ITPK1: variants seen among roughly 807,000 people sequenced by gnomAD.
The protein encoded by ITPK1 is inositol-tetrakisphosphate 1-kinase.
A neutral mutation model predicts 45.3 loss-of-function variants in ITPK1; 21 were observed. That is an observed-to-expected ratio of 0.46 (90% CI 0.33 to 0.67). The LOEUF is 0.67. Among genes scored for constraint, ITPK1 ranks in the 30% least tolerant of loss-of-function variants. The probability of loss-of-function intolerance (pLI) is 0.02; values close to 1 mark genes in which losing one functional copy is unlikely to be tolerated. For synonymous variants in ITPK1, 258 were observed against 253.6 expected, an observed-to-expected ratio of 1.02 and a Z score of -0.16; for missense variants, 474 against 573.5, an observed-to-expected ratio of 0.83 and a Z score of 1.77.
intron 5 of ITPK1, among the ~76,000 whole-genome samples, chr14:92,969,364 G>T (rs1885536065): frequency 6.6e-6 from 1 of 151,788 alleles, no homozygotes; most frequent in Non-Finnish European, 1.5e-5. Context: ...TGAACAACAT[G>T]GTGAGGGGCA....
At chr14:92,981,816 G>C (rs1009012766) in intron 5 of ITPK1, among the ~76,000 whole-genome samples, 1 of 152,248 alleles carries the variant, frequency 6.6e-6, no homozygotes, top group African/African-American at 2.4e-5. Flanking sequence ...TGTGAGTAGG[G>C]AGGAAGGCAC....
At chr14:93,033,856 G>A (rs567050368) in intron 3 of ITPK1, among the ~76,000 whole-genome samples, 10 of 152,254 alleles carry the variant, frequency 6.6e-5, no homozygotes, top group African/African-American at 2.4e-4. Flanking sequence ...GGGTAGCTAG[G>A]TGGAGAGGTC....
chr14:93,004,791 C>T (rs527551523), intron 4 of ITPK1, among the ~76,000 whole-genome samples: 1 of 151,302 alleles, frequency 6.6e-6, no homozygotes, highest in African/African-American at 2.4e-5. Context: ...GCGGGGGGCA[C>T]AGGGTTGGGG....
chr14:92,967,867 G>A (rs1290602338), intron 5 of ITPK1, among the ~76,000 whole-genome samples: 1 of 152,102 alleles, frequency 6.6e-6, no homozygotes, highest in African/African-American at 2.4e-5. Context: ...CATCCATGGA[G>A]ACAAAAAAAG....
chr14:93,083,795 AC>A (rs911161647), intron 2 of ITPK1, among the ~76,000 whole-genome samples: 1 of 150,770 alleles, frequency 6.6e-6, no homozygotes, highest in Non-Finnish European at 1.5e-5. Context: ...TCACCACCTG[AC>A]CCCCCAGGTC....
intron 4 of ITPK1, among the ~76,000 whole-genome samples, chr14:93,006,476 C>T (rs1221600799): frequency 6.6e-6 from 1 of 152,222 alleles, no homozygotes; most frequent in Non-Finnish European, 1.5e-5. Flanking sequence ...GCAAATGGGG[C>T]ACCCTGAATG....
intron 2 of ITPK1, among the ~76,000 whole-genome samples, chr14:93,114,212 T>C (rs1892852941): frequency 6.6e-6 from 1 of 152,198 alleles, no homozygotes; most frequent in South Asian, 2.1e-4. Flanking sequence ...AAAGCTACAG[T>C]TGTGGAGCAA....
intron 3 of ITPK1, among the ~76,000 whole-genome samples, chr14:93,045,008 G>A (rs1285512115): frequency 6.6e-6 from 1 of 152,220 alleles, no homozygotes; most frequent in Admixed American, 6.5e-5. Context: ...GGCATTTAAG[G>A]TCTCCCTCCT....
At chr14:92,956,885 T>C in intron 8 of ITPK1, among the ~76,000 whole-genome samples, 1 of 152,294 alleles carries the variant, frequency 6.6e-6, no homozygotes, top group Non-Finnish European at 1.5e-5. Flanking sequence ...AGCATTTGGC[T>C]CCCACCCAGT....
intron 4 of ITPK1, among the ~76,000 whole-genome samples, chr14:93,013,752 C>T (rs1305147775): frequency 6.6e-6 from 1 of 152,220 alleles, no homozygotes; most frequent in Admixed American, 6.5e-5. Flanking sequence ...CACACTCATG[C>T]CTCCTTGTTA....
chr14:93,071,864 G>T (rs1269960028), intron 3 of ITPK1: 2 of 151,936 alleles, frequency 1.3e-5, no homozygotes, highest in Admixed American at 6.6e-5. Context: ...TTAATTTCCT[G>T]TGATTTCCTG....
intron 1 of ITPK1, 65 bp downstream of exon 1, chr14:93,115,706 AC>A (rs1397165039): frequency 6.7e-6 from 1 of 149,158 alleles, no homozygotes; most frequent in Non-Finnish European, 1.5e-5. Context: ...CCGGGCCGTA[AC>A]CCCTGGGCGC....
At chr14:93,058,412 TG>T in intron 3 of ITPK1, among the ~76,000 whole-genome samples, 2 of 28,376 alleles carry the variant, frequency 7.0e-5, no homozygotes, top group Non-Finnish European at 1.3e-4. Context: ...AACACAGGGG[TG>T]GAGGGGGTGC....
At position 92,941,358 on chromosome 14, in the gene ITPK1, C is replaced by T; in HGVS notation, c.*203G>A. On this transcript the variant is annotated 3_prime_UTR_variant, in exon 11 of 11. Transcript: ENST00000267615. ...AGAGAGCAGGCGGACGGCCCCACTC[C>T]CCAACGGTGGACCACCTGGTACTCT... The T allele has an allele frequency of 2.1e-6, 3 of 1,413,648 alleles. No homozygotes were observed. Among genetic ancestry groups the T allele is most frequent in the Non-Finnish European group, 9.2e-7 (1 of 1,091,554 alleles). 87.6% of individuals were successfully genotyped at this position (1,413,648 alleles called of 1,614,324 possible). A position where few individuals can be genotyped will look rare whatever the true frequency, so the allele number is the denominator to read the frequency against.
At chr14:93,062,720 C>T (rs1053533350) in intron 3 of ITPK1, among the ~76,000 whole-genome samples, 2 of 152,116 alleles carry the variant, frequency 1.3e-5, no homozygotes, top group African/African-American at 4.8e-5. Flanking sequence ...TATTTGAAGT[C>T]GTAAAGCAGG....
chr14:92,999,627 G>A (rs1887239544), intron 4 of ITPK1, among the ~76,000 whole-genome samples: 2 of 152,220 alleles, frequency 1.3e-5, no homozygotes, highest in Non-Finnish European at 2.9e-5. Context: ...GAGGGCTGAT[G>A]GCATGAAGGG....
At chr14:92,985,034 G>A (rs1415650856) in intron 5 of ITPK1, among the ~76,000 whole-genome samples, 1 of 152,194 alleles carries the variant, frequency 6.6e-6, no homozygotes, top group African/African-American at 2.4e-5. Context: ...TTGTCCTCAT[G>A]CACCTCCTGA....
intron 2 of ITPK1, among the ~76,000 whole-genome samples, chr14:93,078,975 C>T (rs1891334090): frequency 6.6e-6 from 1 of 152,070 alleles, no homozygotes; most frequent in South Asian, 2.1e-4. Context: ...GGAGCGCAGA[C>T]TTCCACTGGG....
At chr14:93,064,125 T>C (rs1431351128) in intron 3 of ITPK1, among the ~76,000 whole-genome samples, 3 of 151,602 alleles carry the variant, frequency 2.0e-5, no homozygotes, top group Non-Finnish European at 2.9e-5. Context: ...CTACCAAAAA[T>C]ACAAAAAATT....
Sources: gnomAD v4.1 joint callset for allele counts (sites outside exome capture counted in the v4.1 genomes callset) on GRCh38, gnomAD v4.1.1 for gene constraint, MANE v1.5 for transcripts, NCBI Gene and HGNC (gene_info 2026-07-23, HGNC 2026-07-21) for gene names.